IREB2: variants seen among roughly 807,000 people sequenced by gnomAD.
The protein encoded by IREB2 is iron responsive element binding protein 2.
IREB2 carries 39 observed loss-of-function variants against 118.8 expected under a neutral mutation model. The ratio of observed to expected loss-of-function variants is 0.33; its 90% CI spans 0.25 to 0.43. The LOEUF is 0.43. Ranked by LOEUF, IREB2 falls within the 20% of genes least tolerant of loss-of-function variation. IREB2 has a pLI of 1.00. For missense variants in IREB2, 900 were observed against 1,147.3 expected (o/e 0.78, Z 3.11); for synonymous variants, 372 against 392.2 (o/e 0.95, Z 0.61).
rs548009698 is a variant in IREB2, at chr15:78,457,618, G to T, written c.107-5304G>T. On this transcript the variant is annotated intron_variant, in intron 2 of 21. Transcript: ENST00000258886. ...TCCTGATTTCCTAAACTTTGTTTCT[G>T]CTTGCCTTTCCCCCATGTAGACATT... 2.6e-5 allele frequency among the ~76,000 whole-genome samples: 4 copies of T among 152,016 alleles called. 1 individual carries two copies. In the South Asian group the frequency reaches 8.3e-4, roughly 32 times the overall value.
intron 1 of IREB2, among the ~76,000 whole-genome samples, chr15:78,439,109 G>A (rs528500623): frequency 1.3e-5 from 2 of 152,200 alleles, no homozygotes; most frequent in African/African-American, 4.8e-5. Context: ...AGAATGTTGG[G>A]AGCTGAGGCA....
chr15:78,444,824 A>C (rs1346309193), intron 2 of IREB2, among the ~76,000 whole-genome samples: 1 of 152,106 alleles, frequency 6.6e-6, no homozygotes, highest in Non-Finnish European at 1.5e-5. Flanking sequence ...TTGCTATCTG[A>C]ATCTACTTGG....
In IREB2 at chr15:78,488,322, A is replaced by G; in HGVS notation, c.1937A>G (p.Gln646Arg). 1 of 1,591,908 alleles carries G rather than the reference A, an allele frequency of 6.3e-7. No homozygotes were observed. The highest frequency in any genetic ancestry group is 1.2e-5 in the South Asian group (1 of 86,616). ...AIAGTVNIDF[Q>R]TEPLGTDPTG... ...GCAGGCACAGTGAATATAGATTTCC[A>G]GACAGAACCTTTAGGTATCTTTTCC... The change falls in exon 15 of 22, where the codon CAG becomes CGG. Residue 646 changes from glutamine to arginine, a missense_variant. By Grantham distance (43) the Gln-to-Arg change is conservative. Coordinates refer to ENST00000258886, the MANE Select transcript of IREB2 (RefSeq NM_004136.4).
chr15:78,441,859 T>G (rs568884265), intron 2 of IREB2, among the ~76,000 whole-genome samples: 7 of 152,102 alleles, frequency 4.6e-5, no homozygotes, highest in Non-Finnish European at 1.0e-4. Flanking sequence ...GAAAGTTGGT[T>G]TTTATGTGGG....
At chr15:78,467,787 A>G (rs1264962365) in intron 5 of IREB2, among the ~76,000 whole-genome samples, 2 of 152,148 alleles carry the variant, frequency 1.3e-5, no homozygotes, top group African/African-American at 2.4e-5. Context: ...AGGTCTCACT[A>G]TGTTGCCCAT....
intron 2 of IREB2, among the ~76,000 whole-genome samples, chr15:78,450,204 A>T (rs1367257732): frequency 6.6e-6 from 1 of 152,244 alleles, no homozygotes; most frequent in Non-Finnish European, 1.5e-5. Flanking sequence ...ATACATGGAA[A>T]GTATATGTGA....
At chr15:78,494,517 G>A (rs978915873) in intron 20 of IREB2, among the ~76,000 whole-genome samples, 2 of 152,024 alleles carry the variant, frequency 1.3e-5, no homozygotes, top group African/African-American at 4.8e-5. Context: ...GTATAATAGA[G>A]GGAAAGGAAA....
chr15:78,493,702 A>C (rs1365085649), intron 18 of IREB2, among the ~76,000 whole-genome samples: 1 of 152,138 alleles, frequency 6.6e-6, no homozygotes, highest in Non-Finnish European at 1.5e-5. Flanking sequence ...TTTTGCTTCA[A>C]AATAATCTAA....
chr15:78,491,783 A>C (rs1360233386), intron 18 of IREB2, among the ~76,000 whole-genome samples: 1 of 152,214 alleles, frequency 6.6e-6, no homozygotes, highest in East Asian at 1.9e-4. Context: ...GGCATGAGCA[A>C]CCGTGCCCAG....
intron 2 of IREB2, among the ~76,000 whole-genome samples, chr15:78,453,350 A>G (rs1043272756): frequency 9.2e-5 from 14 of 151,932 alleles, no homozygotes; most frequent in African/African-American, 3.4e-4. Flanking sequence ...GACCTGCTTC[A>G]TTCGTGTTTA....
At position 78,474,735 on chromosome 15, in the gene IREB2, C is replaced by T. The variant is rs1255549154; in HGVS notation, c.1023+1354C>T. ...GAGAGCAGCATTTGGTTTGTAATAT[C>T]TAATCTGTGTTTCTTTCATCCTAAA... On this transcript the variant is annotated intron_variant, in intron 8 of 21. Coordinates refer to ENST00000258886, the MANE Select transcript of IREB2 (RefSeq NM_004136.4). 4 of 152,018 alleles carry T rather than the reference C, an allele frequency of 2.6e-5. No individual in the cohort carries two copies. In the East Asian group the frequency reaches 5.8e-4, roughly 22 times the overall value. The allele number at this position is 152,018 out of a possible 1,614,324, so 9.4% of individuals were successfully genotyped here.
At chr15:78,438,587 C>T in intron 1 of IREB2, 2 of 563,432 alleles carry the variant, frequency 3.5e-6, no homozygotes, top group South Asian at 2.1e-5. Flanking sequence ...CGGGCCACCC[C>T]ACCGCTGGCC....
chr15:78,486,569 C>T (rs1351819762), intron 13 of IREB2, among the ~76,000 whole-genome samples: 4 of 152,160 alleles, frequency 2.6e-5, no homozygotes, highest in African/African-American at 9.6e-5. Context: ...CGTGCCGCTG[C>T]ACTCCAGCCT....
chr15:78,449,403 A>G (rs2050985859), intron 2 of IREB2, among the ~76,000 whole-genome samples: 1 of 152,160 alleles, frequency 6.6e-6, no homozygotes, highest in South Asian at 2.1e-4. Context: ...TTGCAAGCTC[A>G]TGTTTATAGG....
Position 78,470,515 on chromosome 15 carries a change from G to C in IREB2, c.630-17G>C. 1 of 1,558,650 alleles carries C rather than the reference G, an allele frequency of 6.4e-7. No homozygotes were observed. Among genetic ancestry groups the C allele is most frequent in the Non-Finnish European group, 8.8e-7 (1 of 1,142,088 alleles). On this transcript the variant is annotated splice_polypyrimidine_tract_variant and intron_variant, in intron 5 of 21. Transcript: ENST00000258886. ...TTTGTAATACATACGTTTAATGCCAGCTCTTCTTCCTTTTAGACCTGAAAC... is the reference window on the plus strand; with the variant it reads ...TTTGTAATACATACGTTTAATGCCACCTCTTCTTCCTTTTAGACCTGAAAC...
intron 2 of IREB2, among the ~76,000 whole-genome samples, chr15:78,445,047 A>G (rs1567161529): frequency 3.3e-5 from 5 of 152,078 alleles, no homozygotes; most frequent in African/African-American, 7.2e-5. Flanking sequence ...ATTATATAGA[A>G]TTGTTGGATT....
intron 2 of IREB2, among the ~76,000 whole-genome samples, chr15:78,445,113 AT>A (rs1239291963): frequency 5.4e-5 from 8 of 148,056 alleles, no homozygotes; most frequent in Non-Finnish European, 1.1e-4. Context: ...TACTTTCACT[AT>A]TTACTGTTGG....
chr15:78,494,117 A>G, intron 19 of IREB2, 25 bp from the exon 20 acceptor site: 1 of 1,612,826 alleles, frequency 6.2e-7, no homozygotes, highest in South Asian at 1.1e-5. Context: ...GTATTAAAAA[A>G]TTTTGTGTTT....
intron 10 of IREB2, among the ~76,000 whole-genome samples, chr15:78,481,092 G>A (rs1031797386): frequency 6.6e-6 from 1 of 152,144 alleles, no homozygotes; most frequent in East Asian, 1.9e-4. Context: ...AAGGCAAGAG[G>A]ATTACTTAAG....
Sources: allele counts gnomAD v4.1 joint callset (sites outside exome capture counted in the v4.1 genomes callset), GRCh38; gene constraint gnomAD v4.1.1; transcripts MANE v1.5; gene names NCBI Gene and HGNC (gene_info 2026-07-23, HGNC 2026-07-21).